The following MDGA2 variants were observed in gnomAD, a reference collection of about 807,000 sequenced individuals.
MDGA2 encodes the protein MAM domain-containing glycosylphosphatidylinositol anchor protein 2.
A neutral mutation model predicts 117.8 loss-of-function variants in MDGA2; 40 were observed. The ratio of observed to expected loss-of-function variants is 0.34; its 90% CI spans 0.26 to 0.44. The LOEUF (loss-of-function observed/expected upper bound fraction) is 0.44, where lower values mean the gene tolerates loss of function less well. Among genes scored for constraint, MDGA2 ranks in the 20% least tolerant of loss-of-function variants. MDGA2 has a pLI of 1.00. For synonymous variants in MDGA2, 452 were observed against 439.0 expected (o/e 1.03, Z -0.37); for missense variants, 1,123 against 1,250.6 (o/e 0.90, Z 1.54).
At chr14:47,501,152 TA>T (rs1276730183) in intron 1 of MDGA2, among the ~76,000 whole-genome samples, 1 of 152,150 alleles carries the variant, frequency 6.6e-6, no homozygotes, top group Non-Finnish European at 1.5e-5. Flanking sequence ...CTCTGAATAT[TA>T]CTACCAGTTT....
At chr14:47,044,116 A>G (rs926653027) in intron 7 of MDGA2, among the ~76,000 whole-genome samples, 17 of 151,990 alleles carry the variant, frequency 1.1e-4, no homozygotes, top group African/African-American at 3.9e-4. Flanking sequence ...ATTGATTGAT[A>G]GAGCACAAAT....
chr14:46,957,338 A>G, intron 9 of MDGA2, 36 bp downstream of exon 9: 1 of 1,592,722 alleles, frequency 6.3e-7, no homozygotes, highest in Non-Finnish European at 8.5e-7. Context: ...GTCTAATAAA[A>G]CAAAATGTAT....
intron 2 of MDGA2, among the ~76,000 whole-genome samples, chr14:47,298,682 T>TA: frequency 8.8e-6 from 1 of 113,212 alleles, no homozygotes; most frequent in Admixed American, 1.2e-4. Flanking sequence ...ACTTAATTTT[T>TA]CTTTTTTTTT....
intron 1 of MDGA2, among the ~76,000 whole-genome samples, chr14:47,514,282 T>C (rs188668770): frequency 3.7e-4 from 57 of 152,186 alleles, no homozygotes; most frequent in South Asian, 1.0e-3. Flanking sequence ...AGATGGGCAA[T>C]GCCCCCAAGT....
At position 47,370,883 on chromosome 14, in the gene MDGA2, A is replaced by G. The variant is rs968085473; in HGVS notation, c.281-69333T>C. ...CTAACCACTTCTTAAATTTTGTCTT[A>G]TATTTTTCTGATTAATACTGTCCTG... On this transcript the variant is annotated intron_variant, in intron 1 of 16. Transcript: ENST00000399232. Among the ~76,000 whole-genome samples, 9 of 151,724 alleles carry G rather than the reference A, an allele frequency of 5.9e-5. No homozygotes were observed. The East Asian group carries it at 1.7e-3, about 29-fold the overall frequency.
chr14:47,029,087 CATCT>C (rs1397994480), intron 8 of MDGA2, among the ~76,000 whole-genome samples: 4 of 152,132 alleles, frequency 2.6e-5, no homozygotes, highest in African/African-American at 9.7e-5. Context: ...CCCAGTAACT[CATCT>C]AACAATAGTG....
chr14:47,346,526 C>A (rs1890766112), intron 1 of MDGA2, among the ~76,000 whole-genome samples: 1 of 152,116 alleles, frequency 6.6e-6, no homozygotes, highest in Non-Finnish European at 1.5e-5. Flanking sequence ...TGGACAAATC[C>A]CAAACTTTCT....
chr14:46,870,804 ATTAAG>A lies in MDGA2; in HGVS notation c.2752+2624_2752+2628del, dbSNP rs1459982366. Reference sequence around the variant, plus strand: ...AATAAAGAAGATAAGACTAACAACTATTAAGTTAAAAGTATATTATAATGATGTAT... The same window carrying A: ...AATAAAGAAGATAAGACTAACAACTATTAAAAGTATATTATAATGATGTAT... On this transcript the variant is annotated intron_variant, in intron 14 of 16. Transcript: ENST00000399232. The A allele has an allele frequency of 2.0e-5, 3 of 152,008 alleles. No homozygotes were observed. In the East Asian group the frequency reaches 5.8e-4, roughly 29 times the overall value. 9.4% of individuals were successfully genotyped at this position (152,008 alleles called of 1,614,324 possible).
rs566201035 is a variant in MDGA2, at chr14:46,944,371, C to T, written c.2089+13003G>A. On this transcript the variant is annotated intron_variant, in intron 9 of 16. Coordinates refer to ENST00000399232, the MANE Select transcript of MDGA2 (RefSeq NM_001113498.3). ...TATCATCAGAATATCATTTTTTTTTCTGGCTGCTTTGAAAATTTTCTCTTT... is the reference window on the plus strand; with the variant it reads ...TATCATCAGAATATCATTTTTTTTTTTGGCTGCTTTGAAAATTTTCTCTTT... Among the ~76,000 whole-genome samples the T allele has an allele frequency of 1.1e-4, 16 of 150,890 alleles. No individual in the cohort carries two copies. In the East Asian group the frequency reaches 3.1e-3, roughly 29 times the overall value.
In MDGA2 at chr14:47,402,650, G is replaced by A. The variant is rs181763781; in HGVS notation, c.281-101100C>T. The stretch of plus-strand genomic sequence containing the variant: ...AGAGCATAGACTGTTCTTTAAAAAT[G>A]TGTTTTTTTAAATTTTTGCATTTGT... On this transcript the variant is annotated intron_variant, in intron 1 of 16. Transcript: ENST00000399232. Among the ~76,000 whole-genome samples the A allele has an allele frequency of 7.6e-3, 1,157 of 152,174 alleles. 7 individuals are homozygous for A. Among genetic ancestry groups the A allele is most frequent in the African/African-American group, 0.026 (1,080 of 41,526 alleles).
chr14:46,937,505 A>C (rs1177735640), intron 9 of MDGA2, among the ~76,000 whole-genome samples: 1 of 152,218 alleles, frequency 6.6e-6, no homozygotes, highest in Non-Finnish European at 1.5e-5. Flanking sequence ...CTAAATAGCC[A>C]AAACAATCTT....
At chr14:46,978,294 G>A (rs1316916860) in intron 8 of MDGA2, among the ~76,000 whole-genome samples, 2 of 151,800 alleles carry the variant, frequency 1.3e-5, no homozygotes, top group East Asian at 3.9e-4. Context: ...TTTAGAAAAT[G>A]TTTTAATACA....
At chr14:46,959,627 A>G (rs146272879) in intron 8 of MDGA2, among the ~76,000 whole-genome samples, 8 of 152,132 alleles carry the variant, frequency 5.3e-5, no homozygotes, top group Non-Finnish European at 1.0e-4. Flanking sequence ...TATTAAATTT[A>G]CTGTAACATT....
intron 1 of MDGA2, among the ~76,000 whole-genome samples, chr14:47,586,715 G>C (rs766375294): frequency 6.6e-6 from 1 of 151,870 alleles, no homozygotes; most frequent in Non-Finnish European, 1.5e-5. Context: ...CCTCCATGAG[G>C]GTTGAAAGAA....
intron 6 of MDGA2, among the ~76,000 whole-genome samples, chr14:47,092,487 C>A (rs1387831543): frequency 1.3e-5 from 2 of 151,998 alleles, no homozygotes; most frequent in African/African-American, 4.8e-5. Flanking sequence ...GAGTAAGAAA[C>A]CAAATTTAAT....
chr14:47,339,975 A>C (rs1454680747), intron 1 of MDGA2, among the ~76,000 whole-genome samples: 1 of 152,182 alleles, frequency 6.6e-6, no homozygotes, highest in East Asian at 1.9e-4. Flanking sequence ...TCAGACTTAC[A>C]TAGTCCTAAA....
chr14:46,978,521 T>C (rs959588068), intron 8 of MDGA2, among the ~76,000 whole-genome samples: 1 of 152,064 alleles, frequency 6.6e-6, no homozygotes, highest in Non-Finnish European at 1.5e-5. Context: ...TCAACAACTA[T>C]AAAAATATAT....
At chr14:47,004,557 T>A (rs868185534) in intron 8 of MDGA2, among the ~76,000 whole-genome samples, 1 of 151,650 alleles carries the variant, frequency 6.6e-6, no homozygotes, top group South Asian at 2.1e-4. Context: ...TATATTTCCA[T>A]CTAAATTTTA....
chr14:47,127,771 G>A (rs576711398), intron 5 of MDGA2, among the ~76,000 whole-genome samples: 13 of 152,004 alleles, frequency 8.6e-5, no homozygotes, highest in African/African-American at 3.1e-4. Flanking sequence ...CCATAGAACA[G>A]GTATTCAAAG....
Sources: gnomAD v4.1 joint callset for allele counts (sites outside exome capture counted in the v4.1 genomes callset) on GRCh38, gnomAD v4.1.1 for gene constraint, MANE v1.5 for transcripts, NCBI Gene and HGNC (gene_info 2026-07-23, HGNC 2026-07-21) for gene names.